Variants in DMRT1 observed in about 807,000 individuals in gnomAD.
DMRT1 encodes the protein doublesex and mab-3 related transcription factor 1.
DMRT1 carries 7 observed loss-of-function variants against 32.3 expected under a neutral mutation model. The observed-to-expected ratio is 0.22, with a 90% CI of 0.12 to 0.41. DMRT1 has a LOEUF of 0.41. DMRT1 is among the 10% of genes least tolerant of loss of function. The pLI, the probability that DMRT1 is intolerant of heterozygous loss-of-function variation, is 1.00. For synonymous variants in DMRT1, 278 were observed against 206.1 expected, an observed-to-expected ratio of 1.35 and a Z score of -2.99; for missense variants, 625 against 500.5, an observed-to-expected ratio of 1.25 and a Z score of -2.37.
intron 4 of DMRT1, among the ~76,000 whole-genome samples, chr9:930,386 C>T (rs1447663910): frequency 6.6e-6 from 1 of 151,910 alleles, no homozygotes; most frequent in Non-Finnish European, 1.5e-5. Flanking sequence ...GTGTGCACCA[C>T]CACACTTGGC....
chr9:872,628 A>G (rs1816322415), intron 2 of DMRT1, among the ~76,000 whole-genome samples: 1 of 152,172 alleles, frequency 6.6e-6, no homozygotes. Context: ...TTTGAGGTTC[A>G]TCCGTGTTGT....
At chr9:852,630 T>C (rs1815203086) in intron 2 of DMRT1, among the ~76,000 whole-genome samples, 2 of 152,234 alleles carry the variant, frequency 1.3e-5, no homozygotes, top group African/African-American at 4.8e-5. Flanking sequence ...TTGTAGATAA[T>C]TCAGTTCTGC....
At chr9:866,156 TC>T (rs1344669617) in intron 2 of DMRT1, among the ~76,000 whole-genome samples, 1 of 77,320 alleles carries the variant, frequency 1.3e-5, no homozygotes, top group Non-Finnish European at 2.3e-5. Flanking sequence ...AGAGTGAGAG[TC>T]CATCTCAAAA....
chr9:925,574 C>G (rs1348061023), intron 4 of DMRT1, among the ~76,000 whole-genome samples: 1 of 152,174 alleles, frequency 6.6e-6, no homozygotes, highest in African/African-American at 2.4e-5. Flanking sequence ...AGAGGAGGAG[C>G]CAGCCTACGA....
chr9:956,563 CAA>C (rs199499677), intron 4 of DMRT1, among the ~76,000 whole-genome samples: 18 of 84,200 alleles, frequency 2.1e-4, no homozygotes, highest in South Asian at 1.2e-3. Context: ...GACCCTGTCT[CAA>C]AAAAAAAAAA....
intron 3 of DMRT1, among the ~76,000 whole-genome samples, chr9:911,477 T>G (rs200679177): frequency 0.014 from 669 of 46,272 alleles, 5 homozygotes; most frequent in African/African-American, 0.077. Context: ...TGCATTTTTT[T>G]TTTTTTTTTT....
In DMRT1 at chr9:842,297, C is replaced by T. The variant is rs1330557081; in HGVS notation, c.354+105C>T. 2.9e-6 allele frequency: 4 copies of T among 1,402,108 alleles called. No individual in the cohort carries two copies. In the South Asian group the frequency reaches 5.4e-5, roughly 19 times the overall value. 86.9% of individuals were successfully genotyped at this position (1,402,108 alleles called of 1,614,324 possible). A position where few individuals can be genotyped will look rare whatever the true frequency, so the allele number is the denominator to read the frequency against. On this transcript the variant is annotated intron_variant, in intron 1 of 4. Coordinates refer to ENST00000382276, the MANE Select transcript of DMRT1 (RefSeq NM_021951.3). ...TTGCCCAGGCTGCAGTGTAGTGGCG[C>T]GATCTTGGCTCACTGCAACCTCCGC... is the stretch of plus-strand genomic sequence containing the variant.
At chr9:945,740 CT>C (rs33925005) in intron 4 of DMRT1, among the ~76,000 whole-genome samples, 28,267 of 133,902 alleles carry the variant, frequency 0.21, 5,008 homozygotes, top group African/African-American at 0.52. Context: ...AAAATACACA[CT>C]TTTTTTTTTT....
At chr9:895,327 G>C (rs1010893018) in intron 3 of DMRT1, among the ~76,000 whole-genome samples, 1 of 152,170 alleles carries the variant, frequency 6.6e-6, no homozygotes, top group Non-Finnish European at 1.5e-5. Flanking sequence ...GGTATGTTGT[G>C]GGAATATGTA....
At chr9:905,021 G>A (rs551303300) in intron 3 of DMRT1, among the ~76,000 whole-genome samples, 21 of 152,278 alleles carry the variant, frequency 1.4e-4, no homozygotes, top group African/African-American at 4.8e-4. Context: ...GATGCCTTGT[G>A]GAAAGATGAG....
intron 2 of DMRT1, among the ~76,000 whole-genome samples, chr9:853,014 T>C (rs966217357): frequency 6.6e-6 from 1 of 152,218 alleles, no homozygotes; most frequent in Non-Finnish European, 1.5e-5. Context: ...TAGTATCCCA[T>C]GCAGTTTTTA....
Position 941,106 on chromosome 9 carries a change from GC to G in DMRT1, c.967+24200del, listed in dbSNP as rs374939894. Among the ~76,000 whole-genome samples, 686 of 152,272 alleles carry G rather than the reference GC, an allele frequency of 4.5e-3. 1 individual carries two copies. The highest frequency in any genetic ancestry group is 0.016 in the African/African-American group (647 of 41,544). On this transcript the variant is annotated intron_variant, in intron 4 of 4. Transcript: ENST00000382276. ...GAATGTGAAGTGCTATAGCCTTTAT[GC>G]AAACAGTATGGTGGGTCTTCAAAAT... is the stretch of plus-strand genomic sequence containing the variant.
chr9:927,284 A>G (rs747421926), intron 4 of DMRT1, among the ~76,000 whole-genome samples: 3 of 152,256 alleles, frequency 2.0e-5, no homozygotes, highest in African/African-American at 4.8e-5. Flanking sequence ...TTTACAAACA[A>G]TGATGAAGCT....
At chr9:952,519 A>T (rs571371992) in intron 4 of DMRT1, among the ~76,000 whole-genome samples, 9 of 152,334 alleles carry the variant, frequency 5.9e-5, no homozygotes, top group African/African-American at 1.7e-4. Context: ...TGCGCCTAAC[A>T]GTGGAAAGCA....
intron 4 of DMRT1, among the ~76,000 whole-genome samples, chr9:947,698 ACTGCAG>A (rs1160484751): frequency 6.6e-6 from 1 of 152,102 alleles, no homozygotes; most frequent in Non-Finnish European, 1.5e-5. Context: ...ATCTCGGCTC[ACTGCAG>A]CCTCCGCCTC....
intron 2 of DMRT1, among the ~76,000 whole-genome samples, chr9:847,599 C>G (rs934334216): frequency 2.0e-5 from 3 of 152,202 alleles, no homozygotes; most frequent in African/African-American, 7.2e-5. Context: ...GCCACGTTGG[C>G]TTGAATTCTC....
In DMRT1 at chr9:856,041, T is replaced by C. The variant is rs1434895626; in HGVS notation, c.538+8898T>C. On this transcript the variant is annotated intron_variant, in intron 2 of 4. Coordinates refer to ENST00000382276, the MANE Select transcript of DMRT1 (RefSeq NM_021951.3). ...AAGCGATTCTCCTGCTTCAGCCTTC[T>C]GAGCAGCTGGGATTACAGGCGCCCG... Among the ~76,000 whole-genome samples the C allele has an allele frequency of 2.0e-5, 3 of 152,188 alleles. No homozygotes were observed. The South Asian group carries it at 6.2e-4, about 32-fold the overall frequency.
At chr9:849,720 G>C (rs1839057876) in intron 2 of DMRT1, among the ~76,000 whole-genome samples, 1 of 152,194 alleles carries the variant, frequency 6.6e-6, no homozygotes, top group African/African-American at 2.4e-5. Context: ...CACAGGGAAG[G>C]GGCATGTGGA....
intron 4 of DMRT1, among the ~76,000 whole-genome samples, chr9:935,990 T>C (rs576093136): frequency 6.6e-6 from 1 of 152,340 alleles, no homozygotes; most frequent in South Asian, 2.1e-4. Context: ...TTTTCAAGGC[T>C]GGAGACACTT....
Sources: allele counts gnomAD v4.1 joint callset (sites outside exome capture counted in the v4.1 genomes callset), GRCh38; gene constraint gnomAD v4.1.1; transcripts MANE v1.5; gene names NCBI Gene and HGNC (gene_info 2026-07-23, HGNC 2026-07-21).